The following TSHZ2 variants were observed in gnomAD, a reference collection of about 807,000 sequenced individuals.
TSHZ2 encodes the protein teashirt homolog 2.
Under a neutral mutation model 74.4 loss-of-function variants are expected in TSHZ2, and 21 were observed. The ratio of observed to expected loss-of-function variants is 0.28; its 90% CI spans 0.20 to 0.41. TSHZ2 has a LOEUF of 0.41. Ranked by LOEUF, TSHZ2 falls within the 10% of genes least tolerant of loss-of-function variation. The pLI is 1.00. For synonymous variants in TSHZ2, 540 were observed against 515.3 expected, an observed-to-expected ratio of 1.05 and a Z score of -0.65; for missense variants, 1,244 against 1,293.5, an observed-to-expected ratio of 0.96 and a Z score of 0.59.
intron 1 of TSHZ2, among the ~76,000 whole-genome samples, chr20:53,146,387 C>G (rs1011847946): frequency 2.0e-5 from 3 of 151,934 alleles, no homozygotes; most frequent in Admixed American, 1.3e-4. Context: ...CTAATCATGC[C>G]CAGAGAGAGA....
chr20:53,028,147 G>C (rs150900820), intron 1 of TSHZ2, among the ~76,000 whole-genome samples: 162 of 152,254 alleles, frequency 1.1e-3, no homozygotes, highest in African/African-American at 3.8e-3. Flanking sequence ...GGTGGTGGTG[G>C]ATAGCAGACA....
chr20:53,483,370 G>A (rs547700530), intron 2 of TSHZ2, among the ~76,000 whole-genome samples: 11 of 152,166 alleles, frequency 7.2e-5, no homozygotes, highest in South Asian at 4.1e-4. Context: ...AAACTTAGCC[G>A]GGCATGGTGG....
intron 1 of TSHZ2, among the ~76,000 whole-genome samples, chr20:53,052,456 CT>C (rs1477175880): frequency 1.3e-5 from 2 of 152,132 alleles, no homozygotes; most frequent in African/African-American, 2.4e-5. Flanking sequence ...GATGGAATGC[CT>C]GATGATCTAA....
At chr20:53,280,665 TTTG>T (rs142111177) in intron 2 of TSHZ2, among the ~76,000 whole-genome samples, 10,425 of 140,616 alleles carry the variant, frequency 0.074, 1,058 homozygotes, top group African/African-American at 0.25. Flanking sequence ...TTGTTTGTTT[TTTG>T]TTGTTGTTGT....
At chr20:53,231,288 GTCTT>G (rs1989819497) in intron 1 of TSHZ2, among the ~76,000 whole-genome samples, 2 of 152,232 alleles carry the variant, frequency 1.3e-5, no homozygotes, top group Non-Finnish European at 2.9e-5. Flanking sequence ...ATCATTGAAT[GTCTT>G]TCTAACTAGC....
intron 2 of TSHZ2, among the ~76,000 whole-genome samples, chr20:53,454,781 C>T (rs949666157): frequency 1.3e-5 from 2 of 152,038 alleles, no homozygotes; most frequent in African/African-American, 2.4e-5. Context: ...CTCTCCCAGT[C>T]AATTTGAGAA....
chr20:53,250,145 A>G (rs998207229), intron 1 of TSHZ2, among the ~76,000 whole-genome samples: 1 of 152,170 alleles, frequency 6.6e-6, no homozygotes, highest in East Asian at 1.9e-4. Flanking sequence ...TGGAAAAGGA[A>G]ATTTTTGCCA....
intron 1 of TSHZ2, among the ~76,000 whole-genome samples, chr20:53,014,560 G>C (rs1982968543): frequency 6.6e-6 from 1 of 152,154 alleles, no homozygotes; most frequent in Non-Finnish European, 1.5e-5. Context: ...TTCCTAGGCA[G>C]TGCTCTCTGC....
intron 1 of TSHZ2, among the ~76,000 whole-genome samples, chr20:53,050,621 C>T (rs537603598): frequency 1.9e-4 from 29 of 152,240 alleles, no homozygotes; most frequent in African/African-American, 6.5e-4. Context: ...ATGAAGCAGA[C>T]GATGGAGAAA....
chr20:53,445,427 G>A (rs1315782357), intron 2 of TSHZ2, among the ~76,000 whole-genome samples: 3 of 152,302 alleles, frequency 2.0e-5, no homozygotes, highest in Non-Finnish European at 4.4e-5. Context: ...TCCCATGTGA[G>A]TGATAAGCAA....
intron 2 of TSHZ2, among the ~76,000 whole-genome samples, chr20:53,275,523 G>T (rs1388761016): frequency 6.6e-6 from 1 of 152,104 alleles, no homozygotes; most frequent in Non-Finnish European, 1.5e-5. Context: ...TTTTCAAGAG[G>T]AAAGGCTGCA....
At chr20:53,051,455 ACG>A (rs201174467) in intron 1 of TSHZ2, among the ~76,000 whole-genome samples, 99 of 124,542 alleles carry the variant, frequency 7.9e-4, no homozygotes, top group East Asian at 3.1e-3. Context: ...TCTGTGGCGC[ACG>A]CACACACACA....
intron 1 of TSHZ2, among the ~76,000 whole-genome samples, chr20:53,071,067 ATATTAC>A (rs1386692350): frequency 5.9e-5 from 9 of 152,208 alleles, no homozygotes; most frequent in African/African-American, 2.2e-4. Flanking sequence ...ACTCACATTT[ATATTAC>A]TAAATAGCAC....
At chr20:53,263,901 T>A (rs1011570559) in intron 2 of TSHZ2, among the ~76,000 whole-genome samples, 35 of 152,148 alleles carry the variant, frequency 2.3e-4, no homozygotes, top group Admixed American at 2.0e-3. Flanking sequence ...CAGGCTGGGC[T>A]CCCCTGGAGA....
At position 53,039,477 on chromosome 20, in the gene TSHZ2, T is replaced by C. The variant is rs188571069; in HGVS notation, c.40+66144T>C. ...TTGAACAAATATTTATAGGCCTCTT[T>C]CTGTGCACTTGACACTGCTCTAGGC... On this transcript the variant is annotated intron_variant, in intron 1 of 2. Transcript: ENST00000371497. Among the ~76,000 whole-genome samples the C allele has an allele frequency of 2.0e-4, 30 of 152,332 alleles. No homozygotes were observed. The East Asian group carries it at 3.3e-3, about 17-fold the overall frequency.
rs750133023 is a variant in TSHZ2 at position 52,980,019 on chromosome 20, C to T, written c.40+6686C>T. On this transcript the variant is annotated intron_variant, in intron 1 of 2. Coordinates refer to ENST00000371497, the MANE Select transcript of TSHZ2 (RefSeq NM_173485.6). Reference sequence around the variant, plus strand: ...AAAAACAATTTCAATATCCTCCTACCTGCTACCCCAGCCTGAAGCAGGGAC... The same window carrying T: ...AAAAACAATTTCAATATCCTCCTACTTGCTACCCCAGCCTGAAGCAGGGAC... Among the ~76,000 whole-genome samples the T allele has an allele frequency of 8.3e-4, 126 of 152,178 alleles. 1 individual carries two copies. Among genetic ancestry groups the T allele is most frequent in the Admixed American group, 1.6e-3 (24 of 15,280 alleles).
chr20:53,135,445 A>T (rs1261845648), intron 1 of TSHZ2, among the ~76,000 whole-genome samples: 1 of 152,124 alleles, frequency 6.6e-6, no homozygotes, highest in East Asian at 1.9e-4. Flanking sequence ...GGCCTTTGTG[A>T]TCTGTACGAG....
chr20:53,305,781 C>T (rs1978512480), intron 2 of TSHZ2, among the ~76,000 whole-genome samples: 1 of 152,114 alleles, frequency 6.6e-6, no homozygotes, highest in Non-Finnish European at 1.5e-5. Flanking sequence ...ATTTCGAGAC[C>T]ATCCTGGCCA....
chr20:53,415,824 A>ATG lies in TSHZ2; in HGVS notation c.*9-71320_*9-71319insTG, dbSNP rs761303487. ...TACACACACACACACACACACACGC[A>ATG]CACACAGGCATGACAGTGTTAGGAG... On this transcript the variant is annotated intron_variant, in intron 2 of 2. Transcript: ENST00000371497. 1.3e-4 allele frequency among the ~76,000 whole-genome samples: 15 copies of ATG among 116,100 alleles called. No individual in the cohort carries two copies. In the East Asian group the frequency reaches 1.8e-3, roughly 14 times the overall value. 76.2% of individuals were successfully genotyped at this position (116,100 alleles called of 152,430 possible).
Sources: allele counts gnomAD v4.1 joint callset (sites outside exome capture counted in the v4.1 genomes callset), GRCh38; gene constraint gnomAD v4.1.1; transcripts MANE v1.5; gene names NCBI Gene and HGNC (gene_info 2026-07-23, HGNC 2026-07-21).